TBC1D22A: variants seen among roughly 807,000 people sequenced by gnomAD.
The protein encoded by TBC1D22A is TBC1 domain family member 22A, also known as putative GTPase activator.
TBC1D22A carries 38 observed loss-of-function variants against 60.2 expected under a neutral mutation model. The observed-to-expected ratio is 0.63, with a 90% CI of 0.49 to 0.83. TBC1D22A has a LOEUF of 0.83. TBC1D22A is among the 40% of genes least tolerant of loss of function. The probability of loss-of-function intolerance (pLI) is 0.00; values close to 1 mark genes in which losing one functional copy is unlikely to be tolerated. For synonymous variants in TBC1D22A, 302 were observed against 281.7 expected (o/e 1.07, Z -0.72); for missense variants, 628 against 701.0 (o/e 0.90, Z 1.18).
At chr22:46,963,487 C>T (rs1418310464) in intron 8 of TBC1D22A, among the ~76,000 whole-genome samples, 1 of 152,204 alleles carries the variant, frequency 6.6e-6, no homozygotes, top group Non-Finnish European at 1.5e-5. Flanking sequence ...GGAGCAGGCC[C>T]TTGTTCCTGT....
intron 8 of TBC1D22A, among the ~76,000 whole-genome samples, chr22:46,948,212 C>T (rs2072671997): frequency 6.6e-6 from 1 of 152,214 alleles, no homozygotes; most frequent in Admixed American, 6.5e-5. Flanking sequence ...ATCAAAGCCC[C>T]TTAAGCAGGA....
chr22:47,150,816 G>A (rs75633044), intron 12 of TBC1D22A, among the ~76,000 whole-genome samples: 3,145 of 152,142 alleles, frequency 0.021, 98 homozygotes, highest in African/African-American at 0.072. Flanking sequence ...GCTCCCGTGC[G>A]TGTGACCCTC....
chr22:46,935,509 T>A (rs1188378425), intron 8 of TBC1D22A, among the ~76,000 whole-genome samples: 1 of 152,146 alleles, frequency 6.6e-6, no homozygotes, highest in Non-Finnish European at 1.5e-5. Flanking sequence ...CCATGAAGCT[T>A]CAGAAAGTTC....
chr22:47,040,250 C>T (rs550121609), intron 11 of TBC1D22A, among the ~76,000 whole-genome samples: 2 of 152,174 alleles, frequency 1.3e-5, no homozygotes, highest in South Asian at 2.1e-4. Context: ...TGGCCGGTGC[C>T]CAGACTTTTA....
chr22:47,108,698 T>A (rs980182454), intron 11 of TBC1D22A, among the ~76,000 whole-genome samples: 1 of 152,190 alleles, frequency 6.6e-6, no homozygotes, highest in Admixed American at 6.5e-5. Flanking sequence ...ATGTTTTGTT[T>A]TGTTTTTTGT....
At chr22:47,117,862 C>T (rs2066126538) in intron 12 of TBC1D22A, among the ~76,000 whole-genome samples, 2 of 152,194 alleles carry the variant, frequency 1.3e-5, no homozygotes, top group Non-Finnish European at 2.9e-5. Flanking sequence ...ATGGCTCTTG[C>T]CTGTAATCCC....
intron 8 of TBC1D22A, among the ~76,000 whole-genome samples, chr22:46,926,072 G>A (rs2071032158): frequency 6.6e-6 from 1 of 152,060 alleles, no homozygotes; most frequent in African/African-American, 2.4e-5. Context: ...ATAACCAGTG[G>A]GTCAAAGAAG....
intron 4 of TBC1D22A, among the ~76,000 whole-genome samples, chr22:46,809,231 G>A (rs2085281535): frequency 6.6e-6 from 1 of 152,154 alleles, no homozygotes; most frequent in African/African-American, 2.4e-5. Context: ...GTTGTCACAT[G>A]GCATTTCTTC....
chr22:46,985,636 A>G (rs928369041), intron 9 of TBC1D22A, among the ~76,000 whole-genome samples: 2 of 152,232 alleles, frequency 1.3e-5, no homozygotes, highest in Non-Finnish European at 2.9e-5. Flanking sequence ...GTGTGAATCT[A>G]TCACAGTTTA....
At chr22:46,922,232 C>T (rs1407037374) in intron 8 of TBC1D22A, among the ~76,000 whole-genome samples, 1 of 152,144 alleles carries the variant, frequency 6.6e-6, no homozygotes, top group Non-Finnish European at 1.5e-5. Context: ...CTCTTCTGTT[C>T]CATTGGTCTG....
At chr22:46,855,989 G>T (rs773052502) in intron 4 of TBC1D22A, among the ~76,000 whole-genome samples, 24 of 152,162 alleles carry the variant, frequency 1.6e-4, no homozygotes, top group Non-Finnish European at 3.2e-4. Context: ...ACATCTAGGC[G>T]TGTGCTCGCT....
At chr22:46,844,000 G>T (rs1004985103) in intron 4 of TBC1D22A, among the ~76,000 whole-genome samples, 1 of 151,742 alleles carries the variant, frequency 6.6e-6, no homozygotes, top group African/African-American at 2.4e-5. Context: ...GATGTTTGTG[G>T]GGTTGTTCGG....
chr22:46,920,088 A>ATGTATGTATGT (rs60783794), intron 8 of TBC1D22A, among the ~76,000 whole-genome samples: 10,311 of 145,812 alleles, frequency 0.071, 402 homozygotes, highest in East Asian at 0.085. Flanking sequence ...TGTATGTATG[A>ATGTATGTATGT]ATGAAGGAGA....
At chr22:46,942,236 GT>G (rs939114634) in intron 8 of TBC1D22A, among the ~76,000 whole-genome samples, 5 of 151,518 alleles carry the variant, frequency 3.3e-5, no homozygotes, top group Non-Finnish European at 7.4e-5. Flanking sequence ...GCCAGCTTTG[GT>G]TTTTTTTGTT....
chr22:46,967,089 C>T (rs570026385), intron 8 of TBC1D22A, among the ~76,000 whole-genome samples: 8 of 152,268 alleles, frequency 5.3e-5, no homozygotes, highest in Non-Finnish European at 1.2e-4. Context: ...GGGCTGCAGG[C>T]GGATGGCCCA....
chr22:47,107,825 A>T (rs1361068236), intron 11 of TBC1D22A, among the ~76,000 whole-genome samples: 2 of 152,286 alleles, frequency 1.3e-5, no homozygotes, highest in Non-Finnish European at 2.9e-5. Flanking sequence ...GAACAATTGG[A>T]TATCCATGTG....
Position 46,960,394 on chromosome 22 carries a change from T to A in TBC1D22A, c.1016-13896T>A, listed in dbSNP as rs932001935. On this transcript the variant is annotated intron_variant, in intron 8 of 12. Coordinates refer to ENST00000337137, the MANE Select transcript of TBC1D22A (RefSeq NM_014346.5). Reference sequence around the variant, plus strand: ...CTTCTGCATCAGCCTCCTGAGTAGCTGGGATTACAGGCACCCACCACCACG... The same window carrying A: ...CTTCTGCATCAGCCTCCTGAGTAGCAGGGATTACAGGCACCCACCACCACG... 2.6e-5 allele frequency among the ~76,000 whole-genome samples: 4 copies of A among 152,132 alleles called. 1 individual carries two copies. The highest frequency in any genetic ancestry group is 2.6e-4 in the Admixed American group (4 of 15,280).
chr22:46,781,140 G>GTTTTT (rs377531996), intron 1 of TBC1D22A, among the ~76,000 whole-genome samples: 2 of 128,976 alleles, frequency 1.6e-5, no homozygotes, highest in Admixed American at 8.0e-5. Context: ...TCCCAATTTT[G>GTTTTT]TTTTTTTTTT....
chr22:47,069,558 A>C (rs1212243298), intron 11 of TBC1D22A, among the ~76,000 whole-genome samples: 1 of 152,170 alleles, frequency 6.6e-6, no homozygotes, highest in Non-Finnish European at 1.5e-5. Context: ...GCTGGAGCAA[A>C]ACCCTGTTGT....
Sources: gnomAD v4.1 joint callset for allele counts (sites outside exome capture counted in the v4.1 genomes callset) on GRCh38, gnomAD v4.1.1 for gene constraint, MANE v1.5 for transcripts, NCBI Gene and HGNC (gene_info 2026-07-23, HGNC 2026-07-21) for gene names.